TCEA1: variants seen among roughly 807,000 people sequenced by gnomAD.
The protein encoded by TCEA1 is transcription elongation factor A1.
Under a neutral mutation model 43.8 loss-of-function variants are expected in TCEA1, and 21 were observed. The observed-to-expected ratio is 0.48, with a 90% CI of 0.34 to 0.69. The LOEUF is 0.69. Among genes scored for constraint, TCEA1 ranks in the 30% least tolerant of loss-of-function variants. TCEA1 has a pLI of 0.01. For synonymous variants in TCEA1, 104 were observed against 117.5 expected (o/e 0.88, Z 0.75); for missense variants, 250 against 365.1 (o/e 0.68, Z 2.57).
Position 53,978,722 on chromosome 8 carries a change from T to C in TCEA1, c.825+303A>G, listed in dbSNP as rs923882153. On this transcript the variant is annotated intron_variant, in intron 8 of 9. Transcript: ENST00000521604. The stretch of plus-strand genomic sequence containing the variant: ...ACTGTGAGAGACAGAAAGACTACAC[T>C]CATATTACTTTCATAACAGTATCTT... 4 of 238,870 alleles carry C rather than the reference T, an allele frequency of 1.7e-5. No individual in the cohort carries two copies. In the Admixed American group the frequency reaches 1.9e-4, roughly 12 times the overall value. 14.8% of individuals were successfully genotyped at this position (238,870 alleles called of 1,614,324 possible). A position where few individuals can be genotyped will look rare whatever the true frequency, so the allele number is the denominator to read the frequency against.
rs1805073667 is a variant in TCEA1 at position 54,022,276 on chromosome 8, C to CCCG, written c.-152_-151insCGG. On this transcript the variant is annotated 5_prime_UTR_variant, in exon 1 of 10. Transcript: ENST00000521604. ...GGCCCCCTTCCTTACGAACGAAGCC[C>CCCG]GCGGCGGCGGCGGCGGCGGCGGCGG... The CCCG allele has an allele frequency of 1.6e-5, 14 of 883,740 alleles. No homozygotes were observed. In the South Asian group the frequency reaches 2.3e-4, roughly 15 times the overall value. The allele number at this position is 883,740 out of a possible 1,614,324, so 54.7% of individuals were successfully genotyped here.
intron 4 of TCEA1, among the ~76,000 whole-genome samples, chr8:53,989,210 T>C (rs780037183): frequency 5.9e-5 from 9 of 152,210 alleles, no homozygotes; most frequent in Non-Finnish European, 8.8e-5. Context: ...CACCTCGATA[T>C]GAACATTTAG....
At chr8:54,009,114 T>G (rs984759884) in intron 2 of TCEA1, among the ~76,000 whole-genome samples, 2 of 151,050 alleles carry the variant, frequency 1.3e-5, no homozygotes, top group African/African-American at 4.9e-5. Context: ...CCTCCCAAAG[T>G]GCTGGGATTA....
intron 3 of TCEA1, among the ~76,000 whole-genome samples, chr8:53,996,901 G>GTTTTTTTTTTTTTTTTT (rs1563494161): frequency 3.3e-5 from 3 of 90,200 alleles, no homozygotes; most frequent in African/African-American, 2.5e-4. Context: ...AAAGAAGGTT[G>GTTTTTTTTTTTTTTTTT]TCTTTTTTTT....
chr8:54,010,862 G>A (rs1404004261), intron 1 of TCEA1, among the ~76,000 whole-genome samples: 1 of 151,856 alleles, frequency 6.6e-6, no homozygotes, highest in East Asian at 1.9e-4. Context: ...CCAGGTTGGA[G>A]TGCAGTGGTG....
intron 3 of TCEA1, among the ~76,000 whole-genome samples, chr8:53,997,332 T>C (rs541603865): frequency 1.1e-4 from 17 of 152,154 alleles, no homozygotes; most frequent in African/African-American, 3.9e-4. Context: ...GGATCCTAAA[T>C]TGGGAGGGGA....
chr8:53,970,186 A>C, intron 9 of TCEA1: 1 of 587,568 alleles, frequency 1.7e-6, no homozygotes, highest in Non-Finnish European at 3.0e-6. Flanking sequence ...AAACAAATAA[A>C]GGTGGTAAAG....
intron 7 of TCEA1, among the ~76,000 whole-genome samples, chr8:53,981,524 C>T (rs763028452): frequency 6.6e-6 from 1 of 152,202 alleles, no homozygotes; most frequent in Non-Finnish European, 1.5e-5. Context: ...GATGACAGCA[C>T]ATCTATTTAC....
At chr8:54,020,347 C>T (rs1444535858) in intron 1 of TCEA1, among the ~76,000 whole-genome samples, 1 of 151,924 alleles carries the variant, frequency 6.6e-6, no homozygotes, top group Non-Finnish European at 1.5e-5. Flanking sequence ...AAATGAAGGG[C>T]CATATCAATG....
At chr8:53,970,254 T>C (rs759879012) in intron 9 of TCEA1, 138 bp downstream of exon 9, 5 of 738,180 alleles carry the variant, frequency 6.8e-6, no homozygotes, top group Non-Finnish European at 1.2e-5. Flanking sequence ...CCATTACAAG[T>C]AGTCAGGGAG....
At position 53,984,881 on chromosome 8, in the gene TCEA1, T is replaced by TA. The variant is rs998835523; in HGVS notation, c.524-365dup. 3.8e-3 allele frequency among the ~76,000 whole-genome samples: 542 copies of TA among 143,942 alleles called. 1 individual carries two copies. Among genetic ancestry groups the TA allele is most frequent in the African/African-American group, 8.7e-3 (345 of 39,504 alleles). 94.4% of individuals were successfully genotyped at this position (143,942 alleles called of 152,430 possible). On this transcript the variant is annotated intron_variant, in intron 6 of 9. Coordinates refer to ENST00000521604, the MANE Select transcript of TCEA1 (RefSeq NM_006756.4). ...TGGGCGACAGAGGGACACTCCATCTTAAAAAAAAAAACAAACCTGAAATTT... is the reference window on the plus strand; with the variant it reads ...TGGGCGACAGAGGGACACTCCATCTTAAAAAAAAAAAACAAACCTGAAATTT...
chr8:54,022,033 C>T (rs781769320), intron 1 of TCEA1, 30 bp downstream of exon 1: 1 of 1,573,692 alleles, frequency 6.4e-7, no homozygotes, highest in Non-Finnish European at 8.6e-7. Context: ...CCCGGCCTCC[C>T]TCCCGGCCCG....
At chr8:53,999,345 T>G (rs888858552) in intron 3 of TCEA1, among the ~76,000 whole-genome samples, 8 of 151,592 alleles carry the variant, frequency 5.3e-5, no homozygotes, top group Admixed American at 2.0e-4. Context: ...CTGACAAACC[T>G]GAACATAAAC....
intron 2 of TCEA1, among the ~76,000 whole-genome samples, chr8:54,000,421 T>C (rs1444406197): frequency 2.0e-5 from 3 of 152,224 alleles, no homozygotes. Flanking sequence ...TCTTTGTTTC[T>C]ATACATTCCT....
At chr8:53,999,536 AAAAG>A (rs1322780930) in intron 3 of TCEA1, 6 of 164,168 alleles carry the variant, frequency 3.7e-5, no homozygotes, top group African/African-American at 1.4e-4. Context: ...TAGAGAAAGA[AAAAG>A]AGAGAATATG....
intron 1 of TCEA1, 94 bp downstream of exon 1, chr8:54,021,969 G>T (rs574866339): frequency 1.1e-4 from 142 of 1,243,070 alleles, no homozygotes; most frequent in Non-Finnish European, 1.4e-4. Context: ...GGAGGCTGCA[G>T]GGGGAGGGGA....
chr8:53,995,470 AC>A (rs1804026753), intron 3 of TCEA1, among the ~76,000 whole-genome samples: 1 of 152,118 alleles, frequency 6.6e-6, no homozygotes, highest in Admixed American at 6.6e-5. Context: ...AAAAAACAAA[AC>A]AAAAACAAAA....
intron 2 of TCEA1, chr8:54,003,223 A>G: frequency 5.4e-6 from 2 of 368,292 alleles, no homozygotes; most frequent in Non-Finnish European, 1.1e-5. Context: ...ATTAAAGATG[A>G]CCCAAACAAA....
At chr8:54,015,323 C>T (rs1804789146) in intron 1 of TCEA1, among the ~76,000 whole-genome samples, 1 of 152,038 alleles carries the variant, frequency 6.6e-6, no homozygotes, top group African/African-American at 2.4e-5. Flanking sequence ...GCGCCCACCA[C>T]CACGCCCAAC....
Sources: allele counts gnomAD v4.1 joint callset (sites outside exome capture counted in the v4.1 genomes callset), GRCh38; gene constraint gnomAD v4.1.1; transcripts MANE v1.5; gene names NCBI Gene and HGNC (gene_info 2026-07-23, HGNC 2026-07-21).